The following ZNF713 variants were observed in gnomAD, a reference collection of about 807,000 sequenced individuals.
ZNF713 encodes zinc finger protein 713.
A neutral mutation model predicts 28.7 loss-of-function variants in ZNF713; 21 were observed. That is an observed-to-expected ratio of 0.73 (90% CI 0.52 to 1.05). The LOEUF is 1.05. Ranked by LOEUF, ZNF713 falls within the 50% of genes least tolerant of loss-of-function variation. The probability of loss-of-function intolerance (pLI) is 0.00; values close to 1 mark genes in which losing one functional copy is unlikely to be tolerated. For missense variants in ZNF713, 458 were observed against 532.4 expected (o/e 0.86, Z 1.37); for synonymous variants, 167 against 178.0 (o/e 0.94, Z 0.49).
chr7:55,939,351 A>G lies in ZNF713; in HGVS notation c.677A>G (p.Gln226Arg). The G allele has an allele frequency of 6.2e-7, 1 of 1,614,070 alleles. No individual in the cohort carries two copies. Among genetic ancestry groups the G allele is most frequent in the South Asian group, 1.1e-5 (1 of 91,048 alleles). The change falls in exon 7 of 7, where the codon CAG becomes CGG. Residue 226 changes from glutamine (Q) to arginine (R), a missense_variant. Transcript: ENST00000429591. ...IKHNSDLIYY[Q>R]GNYVRETPYE... ...CATAATTCAGACTTGATTTACTATC[A>G]GGGAAATTATGTAAGAGAGACTCCC... is the stretch of plus-strand genomic sequence containing the variant.
At chr7:55,919,581 C>A (rs1785953884) in intron 4 of ZNF713, among the ~76,000 whole-genome samples, 1 of 144,736 alleles carries the variant, frequency 6.9e-6, no homozygotes, top group African/African-American at 2.6e-5. Context: ...TCCTGGCTCA[C>A]TGCAACCTCC....
intron 1 of ZNF713, among the ~76,000 whole-genome samples, chr7:55,904,617 A>G (rs1309665422): frequency 6.6e-6 from 1 of 152,128 alleles, no homozygotes; most frequent in Non-Finnish European, 1.5e-5. Context: ...GCGATGAGGA[A>G]GTAGAGAAAG....
intron 1 of ZNF713, among the ~76,000 whole-genome samples, chr7:55,896,410 A>T (rs758577389): frequency 6.6e-6 from 1 of 152,168 alleles, no homozygotes; most frequent in Non-Finnish European, 1.5e-5. Context: ...GAACTCTATT[A>T]TAAAGCTGTG....
In ZNF713 at chr7:55,918,571, C is replaced by T. The variant is rs117841459; in HGVS notation, c.88-4591C>T. Among the ~76,000 whole-genome samples, 475 of 152,226 alleles carry T rather than the reference C, an allele frequency of 3.1e-3. 3 individuals are homozygous for T. Among genetic ancestry groups the T allele is most frequent in the Non-Finnish European group, 3.2e-3 (219 of 68,024 alleles). On this transcript the variant is annotated intron_variant, in intron 4 of 6. Coordinates refer to ENST00000429591, the MANE Select transcript of ZNF713 (RefSeq NM_182633.3). The stretch of plus-strand genomic sequence containing the variant: ...GAAAACGAGTGAAATAATAAAGGGC[C>T]TCAAGGCGAGTTAATGGAAAACTAA...
intron 4 of ZNF713, among the ~76,000 whole-genome samples, chr7:55,916,833 T>C (rs534653667): frequency 1.3e-5 from 2 of 152,252 alleles, no homozygotes; most frequent in South Asian, 2.1e-4. Context: ...CAAAAAGTTA[T>C]GCAAGAAAAA....
At chr7:55,936,996 G>C (rs1786363725) in intron 6 of ZNF713, among the ~76,000 whole-genome samples, 1 of 152,130 alleles carries the variant, frequency 6.6e-6, no homozygotes, top group African/African-American at 2.4e-5. Flanking sequence ...ACTCTTGTTA[G>C]AAACTAAACT....
chr7:55,909,053 C>T (rs916789128), intron 2 of ZNF713, among the ~76,000 whole-genome samples: 15 of 151,982 alleles, frequency 9.9e-5, no homozygotes, highest in Middle Eastern at 3.4e-3. Flanking sequence ...AAAAAATTAG[C>T]TGGGCGTGGT....
chr7:55,887,495 G>A lies in ZNF713; in HGVS notation c.-768G>A, dbSNP rs879606802. The A allele has an allele frequency of 6.3e-6, 1 of 158,544 alleles. No homozygotes were observed. Among genetic ancestry groups the A allele is most frequent in the Non-Finnish European group, 1.4e-5 (1 of 72,464 alleles). 9.8% of individuals were successfully genotyped at this position (158,544 alleles called of 1,614,324 possible). On this transcript the variant is annotated 5_prime_UTR_variant, in exon 1 of 7. Transcript: ENST00000429591. ...CCATTGCGGGGAGGCTGTCCTCAGAGCAGGTCTGGCGCGCCGGTGGCTGGA... is the reference window on the plus strand; with the variant it reads ...CCATTGCGGGGAGGCTGTCCTCAGAACAGGTCTGGCGCGCCGGTGGCTGGA...
At chr7:55,893,178 C>T (rs1306307377) in intron 1 of ZNF713, among the ~76,000 whole-genome samples, 2 of 152,040 alleles carry the variant, frequency 1.3e-5, no homozygotes, top group African/African-American at 2.4e-5. Context: ...CTACCGCGCC[C>T]GGACTAATTT....
chr7:55,920,170 C>T (rs1300365973), intron 4 of ZNF713, among the ~76,000 whole-genome samples: 3 of 152,176 alleles, frequency 2.0e-5, no homozygotes, highest in African/African-American at 7.2e-5. Flanking sequence ...TTTTTTGCCA[C>T]TCATGGATGA....
intron 6 of ZNF713, among the ~76,000 whole-genome samples, chr7:55,927,445 C>CCTA (rs1242115075): frequency 6.6e-6 from 1 of 151,662 alleles, no homozygotes; most frequent in Non-Finnish European, 1.5e-5. Context: ...ATCACTTGAG[C>CCTA]CTAGGTGGTC....
chr7:55,924,293 T>C (rs778535364), intron 6 of ZNF713: 3 of 152,310 alleles, frequency 2.0e-5, no homozygotes, highest in Non-Finnish European at 2.9e-5. Flanking sequence ...TTCCTTCCAG[T>C]CAAATCCAGT....
At chr7:55,919,371 A>C (rs1785941388) in intron 4 of ZNF713, among the ~76,000 whole-genome samples, 1 of 152,090 alleles carries the variant, frequency 6.6e-6, no homozygotes, top group African/African-American at 2.4e-5. Context: ...AGAATGGTTA[A>C]GGTGATGTGC....
At chr7:55,935,426 AATAC>A (rs1030613790) in intron 6 of ZNF713, among the ~76,000 whole-genome samples, 10 of 152,304 alleles carry the variant, frequency 6.6e-5, no homozygotes, top group Admixed American at 5.2e-4. Context: ...TTACATGGGC[AATAC>A]ATACATTATC....
chr7:55,888,161 C>T (rs1212014285), intron 1 of ZNF713, among the ~76,000 whole-genome samples: 1 of 151,984 alleles, frequency 6.6e-6, no homozygotes, highest in Non-Finnish European at 1.5e-5. Context: ...AAACGTTCGG[C>T]TTTATTTTCT....
rs748832888 is a variant in ZNF713 at position 55,938,982 on chromosome 7, A to G, written c.308A>G (p.Asp103Gly). 1.3e-6 allele frequency: 2 copies of G among 1,564,378 alleles called. No individual in the cohort carries two copies. Among genetic ancestry groups the G allele is most frequent in the South Asian group, 1.2e-5 (1 of 84,496 alleles). ...ERDSLLDTHP[D>G]GENRPEIKKS... is the part of the protein sequence containing the mutation. The stretch of plus-strand genomic sequence containing the variant: ...TTTGTATGTTCTGAATTTCTTTTAG[A>G]TGGAGAAAACAGACCCGAAATCAAA... Residue 103 changes from aspartate to glycine, a missense_variant and splice_region_variant, in exon 7 of 7, where the codon GAT becomes GGT. Transcript: ENST00000429591.
chr7:55,911,860 G>T lies in ZNF713; in HGVS notation c.-211G>T, dbSNP rs1309589259. 6.6e-6 allele frequency: 1 copy of T among 152,050 alleles called. No individual in the cohort carries two copies. Among genetic ancestry groups the T allele is most frequent in the African/African-American group, 2.4e-5 (1 of 41,402 alleles). 9.4% of individuals were successfully genotyped at this position (152,050 alleles called of 1,614,324 possible). A position where few individuals can be genotyped will look rare whatever the true frequency, so the allele number is the denominator to read the frequency against. ...CTCCTGAGGCTCTAATCAGAGATGG[G>T]GCACCTTTAGTACCAGGGGAGTGAC... is the stretch of plus-strand genomic sequence containing the variant. On this transcript the variant is annotated 5_prime_UTR_variant, in exon 3 of 7. Transcript: ENST00000429591.
intron 4 of ZNF713, among the ~76,000 whole-genome samples, chr7:55,917,329 T>C (rs1317349174): frequency 6.6e-6 from 1 of 151,132 alleles, no homozygotes; most frequent in East Asian, 1.9e-4. Flanking sequence ...ATTTTGCCAC[T>C]CGAATTACAG....
At chr7:55,914,948 G>A (rs1357886064) in intron 4 of ZNF713, among the ~76,000 whole-genome samples, 9 of 152,080 alleles carry the variant, frequency 5.9e-5, no homozygotes, top group East Asian at 1.9e-4. Flanking sequence ...TCCGCCTCCC[G>A]GGTTCAAGTG....
Sources: allele counts gnomAD v4.1 joint callset (sites outside exome capture counted in the v4.1 genomes callset), GRCh38; gene constraint gnomAD v4.1.1; transcripts MANE v1.5; gene names NCBI Gene and HGNC (gene_info 2026-07-23, HGNC 2026-07-21).